The following ITGB4 variants were observed in gnomAD, a reference collection of about 807,000 sequenced individuals.
ITGB4 encodes the protein integrin subunit beta 4.
In ITGB4, 159 loss-of-function variants were observed where a neutral mutation model predicts 207.6. The ratio of observed to expected loss-of-function variants is 0.77; its 90% confidence interval spans 0.67 to 0.87. The LOEUF (loss-of-function observed/expected upper bound fraction) is 0.87. Ranked by LOEUF, ITGB4 falls within the 40% of genes least tolerant of loss-of-function variation. The pLI, the probability that ITGB4 is intolerant of heterozygous loss-of-function variation, is 0.00. For missense variants in ITGB4, 2,278 were observed against 2,546.8 expected (o/e 0.89, Z 2.27); for synonymous variants, 1,020 against 1,062.7 (o/e 0.96, Z 0.78).
At position 75,727,973 on chromosome 17, in the gene ITGB4, GC is replaced by G. The variant is rs1568344226; in HGVS notation, c.469+123del. 1.1e-6 allele frequency: 1 copy of G among 932,816 alleles called. No individual in the cohort carries two copies. The highest frequency in any genetic ancestry group is 1.7e-6 in the Non-Finnish European group (1 of 605,204). The allele number at this position is 932,816 out of a possible 1,614,324, so 57.8% of individuals were successfully genotyped here. A position where few individuals can be genotyped will look rare whatever the true frequency, so the allele number is the denominator to read the frequency against. On this transcript the variant is annotated intron_variant, in intron 5 of 39. Coordinates refer to ENST00000200181, the MANE Select transcript of ITGB4 (RefSeq NM_000213.5). This position sits in a 1 kb window ranked among gnomAD's most constrained non-coding sequence, Gnocchi z 6.0. ...CCAGAAGGAAACACTGGACATTTGA[GC>G]CCCCAAAAACCTTCCCTTCCATTCT...
At position 75,743,800 on chromosome 17, in the gene ITGB4, T is replaced by C. The variant is rs770771666; in HGVS notation, c.3050T>C (p.Leu1017Pro). 23 of 1,612,518 alleles carry C rather than the reference T, an allele frequency of 1.4e-5. No homozygotes were observed. Among genetic ancestry groups the C allele is most frequent in the Non-Finnish European group, 1.9e-5 (22 of 1,179,624 alleles). The change falls in exon 26 of 40, where the codon CTG becomes CCG. Residue 1017 changes from leucine (L) to proline (P), a missense_variant. Transcript: ENST00000200181. ...CGCATCCCTGTCATCCGGCGTGTCC[T>C]GGACGGCGGGAAGTCCCAGGTCTCC... ...VARIPVIRRVLDGGKSQVSYR... is the reference protein window; with the variant it reads ...VARIPVIRRVPDGGKSQVSYR...
In ITGB4 at chr17:75,725,353, G is replaced by A. The variant is rs543175595; in HGVS notation, c.79+571G>A. On this transcript the variant is annotated intron_variant, in intron 2 of 39. Coordinates refer to ENST00000200181, the MANE Select transcript of ITGB4 (RefSeq NM_000213.5). ...TGTAGAAACATGCTCTCACTCTGTC[G>A]TCCCGGTGAAATGCAGTGATGCCAT... Among the ~76,000 whole-genome samples the A allele has an allele frequency of 8.5e-5, 13 of 152,184 alleles. No individual in the cohort carries two copies. In the South Asian group the frequency reaches 1.2e-3, roughly 15 times the overall value.
intron 13 of ITGB4, 81 bp downstream of exon 13, chr17:75,733,773 T>C (rs1411143022): frequency 2.1e-6 from 3 of 1,444,892 alleles, no homozygotes; most frequent in Non-Finnish European, 2.9e-6. Flanking sequence ...AGGACCCAGG[T>C]TGGGAGAGCC....
intron 34 of ITGB4, 94 bp from the exon 35 acceptor site, chr17:75,755,606 GC>G: frequency 6.6e-7 from 1 of 1,519,694 alleles, no homozygotes; most frequent in South Asian, 1.1e-5. Flanking sequence ...GTGTAGACAT[GC>G]CAGCTGAGGG....
intron 34 of ITGB4, chr17:75,755,269 A>G: frequency 6.4e-7 from 1 of 1,553,608 alleles, no homozygotes; most frequent in Non-Finnish European, 8.8e-7. Context: ...TCTGTCATCC[A>G]GCCACCATAG....
rs1325482272 is a variant in ITGB4, at chr17:75,757,516, C to T, written c.5430C>T (p.Thr1810=). 7 of 1,613,326 alleles carry T rather than the reference C, an allele frequency of 4.3e-6. No homozygotes were observed. The African/African-American group carries it at 8.0e-5, about 18-fold the overall frequency. The change falls in exon 40 of 40, where the codon ACC becomes ACT. Residue 1810 remains threonine, a synonymous_variant. Coordinates refer to ENST00000200181, the MANE Select transcript of ITGB4 (RefSeq NM_000213.5). ...FVSRTLTTSG[T]LSTHMDQQFF... ...GCCGGACACTGACCACCAGCGGAAC[C>T]CTTAGCACCCACATGGACCAACAGT...
rs368346189 is a variant in ITGB4, at chr17:75,731,401, T to C, written c.1215+33T>C. The stretch of plus-strand genomic sequence containing the variant: ...TCTGTGGGGGCAGCGGGGTGGGGGA[T>C]AGGCACAGCGCCCCACACCGAGTGG... On this transcript the variant is annotated intron_variant, in intron 10 of 39. Transcript: ENST00000200181. The surrounding 1 kb of genome is among the most constrained non-coding windows in gnomAD (Gnocchi z 6.8). 115 of 1,589,414 alleles carry C rather than the reference T, an allele frequency of 7.2e-5. 1 individual carries two copies. The African/African-American group carries it at 1.4e-3, about 20-fold the overall frequency.
chr17:75,727,966 C>T lies in ITGB4; in HGVS notation c.469+111C>T. 1.0e-6 allele frequency: 1 copy of T among 968,852 alleles called. No individual in the cohort carries two copies. Among genetic ancestry groups the T allele is most frequent in the Middle Eastern group, 3.2e-4 (1 of 3,148 alleles). 60.0% of individuals were successfully genotyped at this position (968,852 alleles called of 1,614,324 possible). ...CACCCACCCAGAAGGAAACACTGGACATTTGAGCCCCCAAAAACCTTCCCT... is the reference window on the plus strand; with the variant it reads ...CACCCACCCAGAAGGAAACACTGGATATTTGAGCCCCCAAAAACCTTCCCT... On this transcript the variant is annotated intron_variant, in intron 5 of 39. Coordinates refer to ENST00000200181, the MANE Select transcript of ITGB4 (RefSeq NM_000213.5). The surrounding 1 kb of genome is among the most constrained non-coding windows in gnomAD (Gnocchi z 6.0).
At chr17:75,725,457 C>T (rs183436499) in intron 2 of ITGB4, among the ~76,000 whole-genome samples, 1 of 152,286 alleles carries the variant, frequency 6.6e-6, no homozygotes, top group Admixed American at 6.5e-5. Flanking sequence ...GGACCACAGG[C>T]ATGCACCACC....
chr17:75,731,723 G>C lies in ITGB4; in HGVS notation c.1216-89G>C. 1 of 1,401,138 alleles carries C rather than the reference G, an allele frequency of 7.1e-7. No individual in the cohort carries two copies. The highest frequency in any genetic ancestry group is 1.4e-5 in the South Asian group (1 of 71,112). 86.8% of individuals were successfully genotyped at this position (1,401,138 alleles called of 1,614,324 possible). A position where few individuals can be genotyped will look rare whatever the true frequency, so the allele number is the denominator to read the frequency against. ...ATTTCAGGGATCCAGACATCTCCTA[G>C]GAACTTGGGGGCCGAGGGCCTTCAG... On this transcript the variant is annotated intron_variant, in intron 10 of 39. Coordinates refer to ENST00000200181, the MANE Select transcript of ITGB4 (RefSeq NM_000213.5). The surrounding 1 kb of genome is among the most constrained non-coding windows in gnomAD (Gnocchi z 6.8).
intron 1 of ITGB4, among the ~76,000 whole-genome samples, chr17:75,721,968 A>G (rs539960713): frequency 9.4e-4 from 143 of 152,266 alleles, no homozygotes; most frequent in African/African-American, 3.0e-3. Flanking sequence ...CCAGCCCATC[A>G]TGGCGCATCT....
In ITGB4 at chr17:75,725,287, G is replaced by A. The variant is rs956216920; in HGVS notation, c.79+505G>A. On this transcript the variant is annotated intron_variant, in intron 2 of 39. Transcript: ENST00000200181. The stretch of plus-strand genomic sequence containing the variant: ...CAAACGCTACACGTCAAGCACCAGA[G>A]ACCAGAGCCGTTGTTATTTTTTTAT... Among the ~76,000 whole-genome samples, 10 of 152,276 alleles carry A rather than the reference G, an allele frequency of 6.6e-5. No individual in the cohort carries two copies. In the East Asian group the frequency reaches 1.7e-3, roughly 26 times the overall value.
chr17:75,740,242 C>T lies in ITGB4; in HGVS notation c.2447-116C>T. Reference sequence around the variant, plus strand: ...GAACCTCATGCCTCGGTGTGCGTGGCCTGCTGGCCAGGCATCCCCTGATCC... The same window carrying T: ...GAACCTCATGCCTCGGTGTGCGTGGTCTGCTGGCCAGGCATCCCCTGATCC... On this transcript the variant is annotated intron_variant, in intron 20 of 39. Coordinates refer to ENST00000200181, the MANE Select transcript of ITGB4 (RefSeq NM_000213.5). This position sits in a 1 kb window ranked among gnomAD's most constrained non-coding sequence, Gnocchi z 5.9. 6.4e-6 allele frequency: 8 copies of T among 1,243,928 alleles called. No individual in the cohort carries two copies. The highest frequency in any genetic ancestry group is 6.9e-6 in the Non-Finnish European group (6 of 873,878). The allele number at this position is 1,243,928 out of a possible 1,614,324, so 77.1% of individuals were successfully genotyped here.
Position 75,740,800 on chromosome 17 carries a change from A to G in ITGB4, c.2558A>G (p.Glu853Gly). ...LRQEVEENLNEVYRQISGVHK... is the reference protein window; with the variant it reads ...LRQEVEENLNGVYRQISGVHK... Reference sequence around the variant, plus strand: ...CCCTCCCTTGCCTGGCAGCTGAACGAGGTCTACAGGCAGATCTCCGGTGTA... The same window carrying G: ...CCCTCCCTTGCCTGGCAGCTGAACGGGGTCTACAGGCAGATCTCCGGTGTA... Residue 853 changes from glutamate to glycine, a missense_variant, in exon 22 of 40, where the codon GAG (glutamate) becomes GGG (glycine). Transcript: ENST00000200181. This position sits in a 1 kb window ranked among gnomAD's most constrained non-coding sequence, Gnocchi z 5.9. 1 of 1,613,200 alleles carries G rather than the reference A, an allele frequency of 6.2e-7. No homozygotes were observed. The highest frequency in any genetic ancestry group is 8.5e-7 in the Non-Finnish European group (1 of 1,179,952).
At chr17:75,744,223 C>A (rs1040886759) in intron 26 of ITGB4, among the ~76,000 whole-genome samples, 11 of 150,610 alleles carry the variant, frequency 7.3e-5, no homozygotes, top group African/African-American at 2.7e-4. Flanking sequence ...CGGGTTCAAG[C>A]GATTCTGCTG....
At chr17:75,755,095 G>C in intron 34 of ITGB4, 2 of 1,603,206 alleles carry the variant, frequency 1.2e-6, no homozygotes, top group Non-Finnish European at 1.7e-6. Context: ...GCAGGCTTCC[G>C]CTGTCCTGGG....
rs2060860850 is a variant in ITGB4 at position 75,731,634 on chromosome 17, C to G, written c.1216-178C>G. ...GAGGCCCTGGCCACTGTCATTGTCGCTATGATTGTGACTGCGCTGGGAAGG... is the reference window on the plus strand; with the variant it reads ...GAGGCCCTGGCCACTGTCATTGTCGGTATGATTGTGACTGCGCTGGGAAGG... On this transcript the variant is annotated intron_variant, in intron 10 of 39. Coordinates refer to ENST00000200181, the MANE Select transcript of ITGB4 (RefSeq NM_000213.5). The surrounding 1 kb of genome is among the most constrained non-coding windows in gnomAD (Gnocchi z 6.8). Among the ~76,000 whole-genome samples, 1 of 152,182 alleles carries G rather than the reference C, an allele frequency of 6.6e-6. No homozygotes were observed. Among genetic ancestry groups the G allele is most frequent in the Non-Finnish European group, 1.5e-5 (1 of 68,042 alleles).
Position 75,737,567 on chromosome 17 carries a change from A to G in ITGB4, c.2143A>G (p.Ile715Val), listed in dbSNP as rs2061009153. 3.8e-6 allele frequency: 6 copies of G among 1,596,048 alleles called. No homozygotes were observed. Among genetic ancestry groups the G allele is most frequent in the African/African-American group, 1.3e-5 (1 of 74,512 alleles). The stretch of plus-strand genomic sequence containing the variant: ...CCCTCCGGGCTCCTTCTGGTGGCTC[A>G]TCCCCCTGCTCCTCCTCCTCCTGCC... Reference protein sequence around the residue: ...DCPPGSFWWLIPLLLLLLPLL... With the variant: ...DCPPGSFWWLVPLLLLLLPLL... The change falls in exon 18 of 40, where the codon ATC (isoleucine) becomes GTC (valine). Residue 715 changes from isoleucine (I) to valine (V), a missense_variant. Physicochemically the swap from Ile to Val is conservative, Grantham distance 29. Transcript: ENST00000200181.
At chr17:75,754,043 T>C in intron 33 of ITGB4, 69 bp downstream of exon 33, 1 of 735,268 alleles carries the variant, frequency 1.4e-6, no homozygotes, top group Non-Finnish European at 1.9e-6. Context: ...GGGCCTGGGG[T>C]GGGCGTCTGC....
Sources: allele counts gnomAD v4.1 joint callset (sites outside exome capture counted in the v4.1 genomes callset), GRCh38; gene constraint gnomAD v4.1.1; non-coding constraint Gnocchi (gnomAD v3.1); transcripts MANE v1.5; gene names NCBI Gene and HGNC (gene_info 2026-07-23, HGNC 2026-07-21).